TRIT1: variants seen among roughly 807,000 people sequenced by gnomAD.
The protein encoded by TRIT1 is tRNA isopentenyltransferase 1, also known as tRNA dimethylallyltransferase.
In TRIT1, 43 loss-of-function variants were observed where a neutral mutation model predicts 51.2. The ratio of observed to expected loss-of-function variants is 0.84; its 90% CI spans 0.66 to 1.08. TRIT1 has a LOEUF of 1.08. Among genes scored for constraint, TRIT1 ranks in the 50% least tolerant of loss-of-function variants. The pLI is 0.00. For missense variants in TRIT1, 528 were observed against 578.4 expected (o/e 0.91, Z 0.89); for synonymous variants, 184 against 203.9 (o/e 0.90, Z 0.83).
At chr1:39,854,835 G>C (rs1481911497) in intron 2 of TRIT1, among the ~76,000 whole-genome samples, 1 of 151,874 alleles carries the variant, frequency 6.6e-6, no homozygotes, top group East Asian at 1.9e-4. Flanking sequence ...GGCGGCCTTT[G>C]CTCCTGAGAA....
chr1:39,866,467 T>C (rs188008373), intron 1 of TRIT1, among the ~76,000 whole-genome samples: 104 of 152,330 alleles, frequency 6.8e-4, no homozygotes, highest in African/African-American at 2.4e-3. Context: ...TTAGACAAAT[T>C]CAACTGAAGA....
At chr1:39,872,068 ATTTTTT>A (rs59839907) in intron 1 of TRIT1, among the ~76,000 whole-genome samples, 58 of 114,196 alleles carry the variant, frequency 5.1e-4, no homozygotes, top group Admixed American at 7.6e-4. Context: ...GGCCTGACTA[ATTTTTT>A]TTTTTTTTTT....
At chr1:39,857,905 C>CAT (rs1319768951) in intron 1 of TRIT1, among the ~76,000 whole-genome samples, 4 of 152,142 alleles carry the variant, frequency 2.6e-5, no homozygotes, top group Non-Finnish European at 5.9e-5. Flanking sequence ...TACAAAAATA[C>CAT]ATATAAAACA....
chr1:39,844,408 G>T, intron 9 of TRIT1, 123 bp downstream of exon 9: 1 of 892,196 alleles, frequency 1.1e-6, no homozygotes, highest in Non-Finnish European at 1.8e-6. Flanking sequence ...TTAAAAAGCA[G>T]CCAGCCCTTC....
chr1:39,869,975 G>GC (rs1369392847), intron 1 of TRIT1, among the ~76,000 whole-genome samples: 1 of 152,074 alleles, frequency 6.6e-6, no homozygotes, highest in Non-Finnish European at 1.5e-5. Flanking sequence ...GAGGTGGGGG[G>GC]CCCCTCTCTC....
intron 1 of TRIT1, among the ~76,000 whole-genome samples, chr1:39,872,491 T>C (rs1216648576): frequency 6.6e-6 from 1 of 152,022 alleles, no homozygotes; most frequent in Non-Finnish European, 1.5e-5. Flanking sequence ...AATAAGTAAA[T>C]ATACTATAGG....
chr1:39,846,984 A>G (rs1432498416), intron 8 of TRIT1: 1 of 406,240 alleles, frequency 2.5e-6, no homozygotes, highest in East Asian at 3.8e-5. Flanking sequence ...GTTTGCAGCC[A>G]GTATCCATCT....
At chr1:39,875,621 T>G (rs114631307) in intron 1 of TRIT1, among the ~76,000 whole-genome samples, 2,131 of 152,272 alleles carry the variant, frequency 0.014, 49 homozygotes, top group African/African-American at 0.047. Flanking sequence ...GTCCCTCAAG[T>G]ACCCTCTATG....
chr1:39,848,212 G>T, intron 5 of TRIT1, 115 bp from the exon 6 acceptor site: 2 of 713,984 alleles, frequency 2.8e-6, no homozygotes, highest in South Asian at 1.7e-5. Flanking sequence ...ACGGAAGAAA[G>T]AATTCAGATT....
At chr1:39,846,677 C>T (rs557622926) in intron 8 of TRIT1, among the ~76,000 whole-genome samples, 2 of 152,266 alleles carry the variant, frequency 1.3e-5, no homozygotes, top group South Asian at 2.1e-4. Context: ...ATATGTATAA[C>T]ACCAAATTTA....
rs1172113976 is a variant in TRIT1, at chr1:39,880,276, A to T, written c.174+3042T>A. Among the ~76,000 whole-genome samples the T allele has an allele frequency of 5.5e-5, 8 of 146,266 alleles. No homozygotes were observed. The East Asian group carries it at 1.2e-3, about 21-fold the overall frequency. On this transcript the variant is annotated intron_variant, in intron 1 of 10. Coordinates refer to ENST00000316891, the MANE Select transcript of TRIT1 (RefSeq NM_017646.6). The stretch of plus-strand genomic sequence containing the variant: ...CAGAGCAAGACCTCAAATAAAAAAA[A>T]AAAAAAAAAAAAAAAAAGAAGAAAC...
rs372466369 is a variant in TRIT1 at position 39,854,084 on chromosome 1, G to C, written c.316-16C>G. The stretch of plus-strand genomic sequence containing the variant: ...TATCTTCAATGTGAACATTAAGAAA[G>C]ATATCACGATATCAAGAGAATCCTG... On this transcript the variant is annotated splice_polypyrimidine_tract_variant and intron_variant, in intron 2 of 10. Transcript: ENST00000316891. The C allele has an allele frequency of 3.9e-6, 6 of 1,523,738 alleles. No homozygotes were observed. Among genetic ancestry groups the C allele is most frequent in the Non-Finnish European group, 4.5e-6 (5 of 1,108,782 alleles). The allele number at this position is 1,523,738 out of a possible 1,614,324, so 94.4% of individuals were successfully genotyped here.
Position 39,883,481 on chromosome 1 carries a change from A to G in TRIT1, c.11T>C (p.Val4Ala), listed in dbSNP as rs1288284071. ...CACGGGAACTGCTCGTGCAGCCGCC[A>G]CGGACGCCATCTTATGGCAGTCTGC... MASVAAARAVPVGS... is the reference protein window; with the variant it reads MASAAAARAVPVGS... The change falls in exon 1 of 11, where the codon GTG (valine) becomes GCG (alanine). Residue 4 changes from valine (V) to alanine (A), a missense_variant. This residue lies in a region of TRIT1 where 55 missense variants were observed against 37.0 expected (regional missense o/e 1.49). Transcript: ENST00000316891. The G allele has an allele frequency of 6.3e-7, 1 of 1,595,942 alleles. No homozygotes were observed. Among genetic ancestry groups the G allele is most frequent in the Non-Finnish European group, 8.6e-7 (1 of 1,165,684 alleles).
At chr1:39,876,744 C>T (rs1448929110) in intron 1 of TRIT1, among the ~76,000 whole-genome samples, 5 of 151,614 alleles carry the variant, frequency 3.3e-5, no homozygotes, top group African/African-American at 7.3e-5. Context: ...CTGGCTAACA[C>T]GGTGAAACCC....
intron 2 of TRIT1, among the ~76,000 whole-genome samples, chr1:39,856,326 T>C (rs1175420862): frequency 6.6e-6 from 1 of 151,560 alleles, no homozygotes; most frequent in Non-Finnish European, 1.5e-5. Flanking sequence ...AATAATAAAA[T>C]GAAAATAATC....
At chr1:39,878,724 T>C (rs1325164012) in intron 1 of TRIT1, among the ~76,000 whole-genome samples, 1 of 152,232 alleles carries the variant, frequency 6.6e-6, no homozygotes, top group Admixed American at 6.5e-5. Flanking sequence ...TCTCCACAAG[T>C]CCAAGTTTAC....
chr1:39,861,923 C>CAAAAAAAAA (rs60007826), intron 1 of TRIT1, among the ~76,000 whole-genome samples: 1 of 68,408 alleles, frequency 1.5e-5, no homozygotes. Flanking sequence ...GGCTCTGTCT[C>CAAAAAAAAA]AAAAAAAAAA....
intron 1 of TRIT1, among the ~76,000 whole-genome samples, chr1:39,879,392 C>T (rs1393979830): frequency 6.6e-6 from 1 of 152,110 alleles, no homozygotes; most frequent in Admixed American, 6.6e-5. Context: ...CATGTTCAGA[C>T]TCCAGGTCTG....
chr1:39,846,140 G>A (rs1642209371), intron 8 of TRIT1, among the ~76,000 whole-genome samples: 1 of 152,232 alleles, frequency 6.6e-6, no homozygotes, highest in Admixed American at 6.5e-5. Flanking sequence ...GAGAAAACAG[G>A]ATAAGTAGAG....
Sources: allele counts gnomAD v4.1 joint callset (sites outside exome capture counted in the v4.1 genomes callset), GRCh38; gene constraint gnomAD v4.1.1; regional missense constraint gnomAD v4.1.1; transcripts MANE v1.5; gene names NCBI Gene and HGNC (gene_info 2026-07-23, HGNC 2026-07-21).